Variants in FAAH2 observed in about 807,000 individuals in gnomAD.
FAAH2 encodes fatty acid amide hydrolase 2.
Under a neutral mutation model 36.9 loss-of-function variants are expected in FAAH2, and 60 were observed. The ratio of observed to expected loss-of-function variants is 1.63; its 90% CI spans 1.32 to 2.02. The LOEUF (loss-of-function observed/expected upper bound fraction) is 2.02. FAAH2 is among the 30% of genes most tolerant of loss of function. FAAH2 has a pLI of 0.00. For missense variants in FAAH2, 689 were observed against 397.5 expected (o/e 1.73, Z -6.23); for synonymous variants, 214 against 143.8 (o/e 1.49, Z -3.49).
the FAAH2 span, among the ~76,000 whole-genome samples, chrX:57,243,980 C>CA: frequency 2.8e-5 from 3 of 107,992 alleles, no homozygotes; most frequent in Admixed American, 2.0e-4. Flanking sequence ...TAACCCAATG[C>CA]AAAAAAGCTA....
chrX:57,270,664 G>A, the FAAH2 span, among the ~76,000 whole-genome samples: 1 of 111,798 alleles, frequency 8.9e-6, no homozygotes, highest in Non-Finnish European at 1.9e-5. Flanking sequence ...GTTGCACAGT[G>A]GGTGCAGCCC....
the FAAH2 span, chrX:57,135,484 C>A: frequency 1.1e-5 from 3 of 263,416 alleles, no homozygotes; most frequent in Non-Finnish European, 2.0e-5. Context: ...TCCCCTGCCC[C>A]CTCCAGACCA....
At chrX:57,189,459 G>A in the FAAH2 span, among the ~76,000 whole-genome samples, 3 of 109,532 alleles carry the variant, frequency 2.7e-5, no homozygotes, top group African/African-American at 1.0e-4. Flanking sequence ...ATTTGGAGAA[G>A]AGGCATTCTG....
chrX:57,263,759 A>G, the FAAH2 span, among the ~76,000 whole-genome samples: 2 of 111,857 alleles, frequency 1.8e-5, no homozygotes, highest in Non-Finnish European at 3.8e-5. Context: ...AAAGAAAAGA[A>G]GAATAAAACA....
At chrX:57,271,541 C>G in the FAAH2 span, among the ~76,000 whole-genome samples, 1 of 112,157 alleles carries the variant, frequency 8.9e-6, no homozygotes, top group Non-Finnish European at 1.9e-5. Flanking sequence ...GAAGGTGTAC[C>G]TCTGGGTCAA....
intron 10 of FAAH2, among the ~76,000 whole-genome samples, chrX:57,476,636 C>T (rs2057274532): frequency 9.0e-6 from 1 of 110,876 alleles, no homozygotes; most frequent in African/African-American, 3.3e-5. Context: ...GAGATGGTGG[C>T]CTGAAATTTT....
intron 7 of FAAH2, among the ~76,000 whole-genome samples, chrX:57,408,968 T>G (rs1299676633): frequency 9.0e-6 from 1 of 110,994 alleles, no homozygotes; most frequent in East Asian, 2.8e-4. Flanking sequence ...CAATATAGAG[T>G]GTACTTACAG....
the FAAH2 span, among the ~76,000 whole-genome samples, chrX:57,210,601 TACTC>T: frequency 8.9e-6 from 1 of 112,488 alleles, no homozygotes; most frequent in Non-Finnish European, 1.9e-5. Context: ...GAAGGGATCT[TACTC>T]AACCTTTCAA....
chrX:57,158,894 G>GC, the FAAH2 span, among the ~76,000 whole-genome samples: 1 of 111,949 alleles, frequency 8.9e-6, no homozygotes, highest in Non-Finnish European at 1.9e-5. Context: ...ATTGCTTTTG[G>GC]CGTTTTAGAC....
the FAAH2 span, among the ~76,000 whole-genome samples, chrX:57,237,099 A>G: frequency 1.8e-5 from 2 of 111,698 alleles, no homozygotes; most frequent in African/African-American, 3.2e-5. Context: ...CCAGCACCAT[A>G]TATTGAAGAG....
the FAAH2 span, among the ~76,000 whole-genome samples, chrX:57,168,433 A>G: frequency 9.0e-6 from 1 of 111,510 alleles, no homozygotes; most frequent in East Asian, 2.8e-4. Flanking sequence ...TCTTTATGCA[A>G]CCATCTGTAC....
At chrX:57,269,128 G>C in the FAAH2 span, among the ~76,000 whole-genome samples, 1 of 111,559 alleles carries the variant, frequency 9.0e-6, no homozygotes, top group Admixed American at 9.5e-5. Flanking sequence ...AAAGGACACA[G>C]AAAAACGTCA....
the FAAH2 span, among the ~76,000 whole-genome samples, chrX:57,274,736 G>T: frequency 5.4e-5 from 6 of 111,471 alleles, no homozygotes; most frequent in Non-Finnish European, 1.1e-4. Flanking sequence ...CAATAAACTA[G>T]GTATCGATGG....
At chrX:57,177,655 A>G in the FAAH2 span, among the ~76,000 whole-genome samples, 1 of 82,711 alleles carries the variant, frequency 1.2e-5, no homozygotes, top group Non-Finnish European at 2.2e-5. Context: ...AAAAAAAAAA[A>G]AGAAGAAAGT....
chrX:57,151,920 G>T, the FAAH2 span, among the ~76,000 whole-genome samples: 1 of 111,250 alleles, frequency 9.0e-6, no homozygotes, highest in South Asian at 3.8e-4. Context: ...TGATGCTGAC[G>T]TACAGATGGG....
chrX:57,309,245 A>T (rs2052625200), intron 2 of FAAH2, among the ~76,000 whole-genome samples: 2 of 111,656 alleles, frequency 1.8e-5, no homozygotes, highest in African/African-American at 6.5e-5. Context: ...AATTATGTCC[A>T]TTATAGAACA....
intron 10 of FAAH2, among the ~76,000 whole-genome samples, chrX:57,450,557 T>C (rs2056765382): frequency 8.9e-6 from 1 of 112,085 alleles, no homozygotes; most frequent in Non-Finnish European, 1.9e-5. Flanking sequence ...TTGTGAGACC[T>C]TTTGTCAAAG....
Position 57,286,913 on chromosome X carries a change from G to T in FAAH2, c.88G>T (p.Val30Phe). ...AGGCTTAGTAGGCCGAGCAGCTTTA[G>T]TCTTAGGGGGTCCAAAGTTTGCCTC... Reference protein sequence around the residue: ...LIGLVGRAALVLGGPKFASKT... With the variant: ...LIGLVGRAALFLGGPKFASKT... The change falls in exon 1 of 11, where the codon GTC becomes TTC. Residue 30 changes from valine (V) to phenylalanine (F), a missense_variant. By Grantham distance (50) the Val-to-Phe change is conservative (BLOSUM62 -1). Coordinates refer to ENST00000374900, the MANE Select transcript of FAAH2 (RefSeq NM_174912.4). 1.7e-6 allele frequency: 2 copies of T among 1,206,558 alleles called. No individual in the cohort carries two copies. The highest frequency in any genetic ancestry group is 2.2e-6 in the Non-Finnish European group (2 of 893,323).
At chrX:57,200,990 A>G in the FAAH2 span, among the ~76,000 whole-genome samples, 1 of 109,548 alleles carries the variant, frequency 9.1e-6, no homozygotes, top group Non-Finnish European at 1.9e-5. Flanking sequence ...TTGCTGACAA[A>G]TTTTTAATTC....
Sources: allele counts gnomAD v4.1 joint callset (sites outside exome capture counted in the v4.1 genomes callset), GRCh38; gene constraint gnomAD v4.1.1; transcripts MANE v1.5; gene names NCBI Gene and HGNC (gene_info 2026-07-23, HGNC 2026-07-21).